DAAM2: variants seen among roughly 807,000 people sequenced by gnomAD.
DAAM2 encodes disheveled-associated activator of morphogenesis 2.
In DAAM2, 39 loss-of-function variants were observed where a neutral mutation model predicts 120.7. The ratio of observed to expected loss-of-function variants is 0.32; its 90% CI spans 0.25 to 0.42. DAAM2 has a LOEUF of 0.42. Ranked by LOEUF, DAAM2 falls within the 10% of genes least tolerant of loss-of-function variation. The pLI is 1.00. For synonymous variants in DAAM2, 488 were observed against 524.9 expected, an observed-to-expected ratio of 0.93 and a Z score of 0.96; for missense variants, 1,283 against 1,401.7, an observed-to-expected ratio of 0.92 and a Z score of 1.35.
At chr6:39,879,548 C>T (rs1366476176) in intron 14 of DAAM2, 71 bp downstream of exon 14, 4 of 1,596,362 alleles carry the variant, frequency 2.5e-6, no homozygotes, top group Non-Finnish European at 3.4e-6. Flanking sequence ...GGACCACCCG[C>T]CCCTTGTTTA....
chr6:39,798,046 T>C (rs1450007660), intron 1 of DAAM2, among the ~76,000 whole-genome samples: 3 of 152,242 alleles, frequency 2.0e-5, no homozygotes, highest in African/African-American at 7.2e-5. Context: ...AGAGACTGCA[T>C]GGCCTACAAA....
chr6:39,814,383 C>T (rs1762250370), intron 1 of DAAM2, among the ~76,000 whole-genome samples: 1 of 152,094 alleles, frequency 6.6e-6, no homozygotes, highest in Admixed American at 6.5e-5. Context: ...GTAACAAAGC[C>T]AGCCTCCCCT....
chr6:39,900,144 T>A lies in DAAM2; in HGVS notation c.2747T>A (p.Phe916Tyr). 1.9e-6 allele frequency: 3 copies of A among 1,604,568 alleles called. No homozygotes were observed. Among genetic ancestry groups the A allele is most frequent in the Non-Finnish European group, 2.6e-6 (3 of 1,175,686 alleles). ...SDKFVPVMSD[F>Y]ITVSSFSFSE... ...AAGTTTGTCCCTGTCATGAGCGACTTCATCACGGTGTCCAGCTTCAGCTTC... is the reference window on the plus strand; with the variant it reads ...AAGTTTGTCCCTGTCATGAGCGACTACATCACGGTGTCCAGCTTCAGCTTC... Residue 916 changes from phenylalanine (F) to tyrosine (Y), a missense_variant, in exon 23 of 25, where the codon TTC (phenylalanine) becomes TAC (tyrosine). Phe to Tyr is a conservative substitution (Grantham distance 22). Transcript: ENST00000274867.
chr6:39,881,121 A>T (rs1285987493), intron 14 of DAAM2, among the ~76,000 whole-genome samples: 3 of 152,252 alleles, frequency 2.0e-5, no homozygotes, highest in Non-Finnish European at 4.4e-5. Flanking sequence ...ATATTTGTGC[A>T]ACATTTTCAT....
At chr6:39,824,913 G>C (rs1159811788) in intron 1 of DAAM2, among the ~76,000 whole-genome samples, 1 of 152,146 alleles carries the variant, frequency 6.6e-6, no homozygotes, top group African/African-American at 2.4e-5. Context: ...TACTTTCTTG[G>C]GACTTGCCAG....
chr6:39,901,453 G>A lies in DAAM2; in HGVS notation c.2963G>A (p.Arg988Gln), dbSNP rs750047168. 2.1e-5 allele frequency: 34 copies of A among 1,608,950 alleles called. No homozygotes were observed. The highest frequency in any genetic ancestry group is 9.3e-5 in the African/African-American group (7 of 74,878). ...AGGAGGAAGGAGGAGGAGGAGCGGCGGGCGCGCATGGAAGCCATGGTGAGG... is the reference window on the plus strand; with the variant it reads ...AGGAGGAAGGAGGAGGAGGAGCGGCAGGCGCGCATGGAAGCCATGGTGAGG... ...MRRRKEEEER[R>Q]ARMEAMLKEQ... Residue 988 changes from arginine to glutamine, a missense_variant, in exon 24 of 25, where the codon CGG (arginine) becomes CAG (glutamine). Around this residue, in one of 3 missense-constraint regions of DAAM2, gnomAD observed 748 missense variants for 768.6 expected, o/e 0.97. Coordinates refer to ENST00000274867, the MANE Select transcript of DAAM2 (RefSeq NM_001201427.2). The surrounding 1 kb of genome is among the most constrained non-coding windows in gnomAD (Gnocchi z 4.5).
At chr6:39,847,772 A>C (rs1216200249) in intron 1 of DAAM2, among the ~76,000 whole-genome samples, 1 of 151,432 alleles carries the variant, frequency 6.6e-6, no homozygotes, top group African/African-American at 2.4e-5. Context: ...CCACTCTTCC[A>C]CTTCTCCCTC....
chr6:39,886,496 C>T lies in DAAM2; in HGVS notation c.1954-990C>T, dbSNP rs528016820. On this transcript the variant is annotated intron_variant, in intron 15 of 24. Transcript: ENST00000274867. The stretch of plus-strand genomic sequence containing the variant: ...CCACTCCAACTTTTAACTGCTGTCC[C>T]GGGCTGCTGCTCTGTACTGGGCCTG... 2.5e-3 allele frequency: 993 copies of T among 399,360 alleles called. 2 individuals are homozygous for T. The highest frequency in any genetic ancestry group is 3.6e-3 in the Non-Finnish European group (814 of 226,348). The allele number at this position is 399,360 out of a possible 1,614,324, so 24.7% of individuals were successfully genotyped here. A position where few individuals can be genotyped will look rare whatever the true frequency, so the allele number is the denominator to read the frequency against.
intron 21 of DAAM2, chr6:39,897,509 C>T (rs1222799064): frequency 5.2e-6 from 2 of 388,282 alleles, no homozygotes; most frequent in Admixed American, 4.3e-5. Context: ...ATAGACAGTA[C>T]ACCCTGAGAG....
At chr6:39,806,125 G>A (rs1762003568) in intron 1 of DAAM2, among the ~76,000 whole-genome samples, 1 of 152,180 alleles carries the variant, frequency 6.6e-6, no homozygotes, top group Non-Finnish European at 1.5e-5. Context: ...AATGTCATGG[G>A]GGAAGGATCT....
rs148671578 is a variant in DAAM2, at chr6:39,795,149, G to A, written c.-57+2684G>A. Among the ~76,000 whole-genome samples the A allele has an allele frequency of 2.9e-3, 435 of 152,286 alleles. 3 individuals carry two copies. Among genetic ancestry groups the A allele is most frequent in the African/African-American group, 9.6e-3 (399 of 41,564 alleles). On this transcript the variant is annotated intron_variant, in intron 1 of 24. Coordinates refer to ENST00000274867, the MANE Select transcript of DAAM2 (RefSeq NM_001201427.2). ...AGCCTTCTCATGGCTCATTCTATCA[G>A]TTCAATCTTCTGGCCAGCTCTTTGG...
chr6:39,900,246 C>A (rs1402789204), intron 23 of DAAM2, 38 bp downstream of exon 23: 4 of 1,599,970 alleles, frequency 2.5e-6, no homozygotes, highest in Non-Finnish European at 3.4e-6. Flanking sequence ...GCCAACCCAG[C>A]CTTATCTAAA....
chr6:39,891,148 G>GA (rs984171513), intron 17 of DAAM2, among the ~76,000 whole-genome samples, 193 bp from the exon 18 acceptor site: 1 of 150,180 alleles, frequency 6.7e-6, no homozygotes, highest in African/African-American at 2.5e-5. Flanking sequence ...TTTTAAAAAA[G>GA]AAAAAAGAAT....
intron 1 of DAAM2, among the ~76,000 whole-genome samples, chr6:39,810,633 A>C (rs1408929422): frequency 6.6e-6 from 1 of 151,888 alleles, no homozygotes; most frequent in Non-Finnish European, 1.5e-5. Context: ...AGGAAAGGGG[A>C]AGAGCCCCAT....
intron 1 of DAAM2, among the ~76,000 whole-genome samples, chr6:39,797,132 T>A (rs1178194749): frequency 6.6e-6 from 1 of 152,166 alleles, no homozygotes; most frequent in South Asian, 2.1e-4. Context: ...CAGCCCCATG[T>A]GACCCTCTAT....
intron 1 of DAAM2, among the ~76,000 whole-genome samples, chr6:39,797,723 A>AGGCAT (rs960874957): frequency 1.1e-4 from 17 of 152,364 alleles, no homozygotes; most frequent in African/African-American, 4.1e-4. Context: ...CCAGGATACC[A>AGGCAT]GGCATGGGAA....
At chr6:39,875,099 T>A (rs1764815763) in intron 10 of DAAM2, among the ~76,000 whole-genome samples, 3 of 152,082 alleles carry the variant, frequency 2.0e-5, no homozygotes, top group Non-Finnish European at 1.5e-5. Flanking sequence ...GAGAAATATG[T>A]TGGGGAGGTG....
At chr6:39,802,272 T>C (rs1218075858) in intron 1 of DAAM2, among the ~76,000 whole-genome samples, 1 of 152,192 alleles carries the variant, frequency 6.6e-6, no homozygotes. Context: ...AGAGGCAGCA[T>C]AAAGCTGTTT....
At chr6:39,874,649 G>A (rs1166001894) in intron 10 of DAAM2, among the ~76,000 whole-genome samples, 1 of 152,206 alleles carries the variant, frequency 6.6e-6, no homozygotes, top group Non-Finnish European at 1.5e-5. Context: ...AAGTGCTAGG[G>A]ATCAAGGACC....
Sources: allele counts gnomAD v4.1 joint callset (sites outside exome capture counted in the v4.1 genomes callset), GRCh38; gene constraint gnomAD v4.1.1; regional missense constraint gnomAD v4.1.1; non-coding constraint Gnocchi (gnomAD v3.1); transcripts MANE v1.5; gene names NCBI Gene and HGNC (gene_info 2026-07-23, HGNC 2026-07-21).